EYA2: variants seen among roughly 807,000 people sequenced by gnomAD.
EYA2 encodes EYA transcriptional coactivator and phosphatase 2, also known as protein phosphatase EYA2.
A neutral mutation model predicts 69.2 loss-of-function variants in EYA2; 31 were observed. The ratio of observed to expected loss-of-function variants is 0.45; its 90% CI spans 0.34 to 0.60. EYA2 has a LOEUF of 0.60. EYA2 is among the 20% of genes least tolerant of loss of function. EYA2 has a pLI of 0.02. For synonymous variants in EYA2, 257 were observed against 279.4 expected (o/e 0.92, Z 0.80); for missense variants, 622 against 701.2 (o/e 0.89, Z 1.28).
rs549275136 is a variant in EYA2, at chr20:47,013,529, A to T, written c.299-2652A>T. Among the ~76,000 whole-genome samples the T allele has an allele frequency of 5.7e-4, 87 of 152,378 alleles. 2 individuals are homozygous for T. In the South Asian group the frequency reaches 0.011, roughly 19 times the overall value. On this transcript the variant is annotated intron_variant, in intron 4 of 15. Coordinates refer to ENST00000327619, the MANE Select transcript of EYA2 (RefSeq NM_005244.5). ...TTGCTTGAGGAAGTATGTACATTTC[A>T]TCTTGGATTGTGATAGTAAAAACTG... is the stretch of plus-strand genomic sequence containing the variant.
rs552845532 is a variant in EYA2 at position 46,974,686 on chromosome 20, G to A, written c.-10-15315G>A. On this transcript the variant is annotated intron_variant, in intron 1 of 15. Transcript: ENST00000327619. ...TTCCCTTACAGGAAGAGTCCTTGGT[G>A]TTTTGCTTTGTGCCTTGTTTTGGTG... 2.0e-5 allele frequency among the ~76,000 whole-genome samples: 3 copies of A among 152,220 alleles called. No homozygotes were observed. In the South Asian group the frequency reaches 6.2e-4, roughly 32 times the overall value.
At chr20:47,169,409 G>A (rs971994181) in intron 11 of EYA2, among the ~76,000 whole-genome samples, 3 of 152,118 alleles carry the variant, frequency 2.0e-5, no homozygotes, top group Non-Finnish European at 4.4e-5. Flanking sequence ...ACTTTGGGAG[G>A]TCTTAGCAGG....
At chr20:46,988,256 C>A (rs1406130893) in intron 1 of EYA2, among the ~76,000 whole-genome samples, 4 of 151,332 alleles carry the variant, frequency 2.6e-5, no homozygotes, top group African/African-American at 9.7e-5. Flanking sequence ...TACTGAGGGG[C>A]AGCTGTATTT....
intron 5 of EYA2, among the ~76,000 whole-genome samples, chr20:47,037,136 A>G (rs908762498): frequency 6.6e-6 from 1 of 151,316 alleles, no homozygotes; most frequent in African/African-American, 2.4e-5. Context: ...CCTTTATAAA[A>G]CCATCAGATC....
chr20:46,948,586 A>T (rs1850803989), intron 1 of EYA2, among the ~76,000 whole-genome samples: 1 of 152,206 alleles, frequency 6.6e-6, no homozygotes. Context: ...CTGAGTAAAC[A>T]TTGTTGAAAG....
At chr20:47,046,168 C>T (rs2030025640) in intron 5 of EYA2, among the ~76,000 whole-genome samples, 1 of 152,170 alleles carries the variant, frequency 6.6e-6, no homozygotes, top group Non-Finnish European at 1.5e-5. Flanking sequence ...CCTTACATGG[C>T]AGAAAGAAGA....
chr20:47,065,149 C>T (rs924288609), intron 5 of EYA2, among the ~76,000 whole-genome samples: 1 of 152,144 alleles, frequency 6.6e-6, no homozygotes, highest in African/African-American at 2.4e-5. Flanking sequence ...ATTCAATTAC[C>T]TCCCACCAGG....
chr20:46,968,569 A>G (rs1979932953), intron 1 of EYA2, among the ~76,000 whole-genome samples: 1 of 152,036 alleles, frequency 6.6e-6, no homozygotes, highest in African/African-American at 2.4e-5. Context: ...CACCCCCCAG[A>G]ACATCATTCC....
chr20:47,073,244 A>C (rs1333408668), intron 6 of EYA2, among the ~76,000 whole-genome samples: 1 of 152,180 alleles, frequency 6.6e-6, no homozygotes, highest in Non-Finnish European at 1.5e-5. Context: ...ATAGTGCGGC[A>C]GGATATTTGA....
At chr20:47,139,103 G>A (rs907857143) in intron 9 of EYA2, among the ~76,000 whole-genome samples, 1 of 152,094 alleles carries the variant, frequency 6.6e-6, no homozygotes, top group East Asian at 1.9e-4. Flanking sequence ...CATTTTTCAA[G>A]TCTGCTTTGA....
At chr20:47,006,434 A>G in intron 4 of EYA2, among the ~76,000 whole-genome samples, 1 of 152,220 alleles carries the variant, frequency 6.6e-6, no homozygotes. Flanking sequence ...CGTTGGTGGC[A>G]GGGACCTGCC....
intron 10 of EYA2, among the ~76,000 whole-genome samples, chr20:47,164,883 G>C (rs191343963): frequency 2.0e-4 from 30 of 152,184 alleles, no homozygotes; most frequent in Non-Finnish European, 3.7e-4. Flanking sequence ...AACATGCAAT[G>C]AGCTAAGTAG....
intron 10 of EYA2, among the ~76,000 whole-genome samples, chr20:47,152,679 C>T (rs951540253): frequency 2.0e-5 from 3 of 151,470 alleles, no homozygotes; most frequent in Admixed American, 6.6e-5. Flanking sequence ...GGTGTGGCAG[C>T]GGGTGCCTGT....
intron 2 of EYA2, among the ~76,000 whole-genome samples, chr20:46,990,421 G>C (rs1420275919): frequency 1.3e-5 from 2 of 152,168 alleles, no homozygotes; most frequent in Non-Finnish European, 2.9e-5. Flanking sequence ...CCCAGGCCCA[G>C]CCCTTGGATG....
intron 1 of EYA2, among the ~76,000 whole-genome samples, chr20:46,926,344 G>A (rs1985411560): frequency 6.6e-6 from 1 of 152,286 alleles, no homozygotes; most frequent in East Asian, 1.9e-4. Flanking sequence ...TTTGCAACCT[G>A]GAGACCCAGG....
In EYA2 at chr20:47,074,189, G is replaced by A; in HGVS notation, c.515G>A (p.Ser172Asn). Residue 172 changes from serine (S) to asparagine (N), a missense_variant, in exon 7 of 16, where the codon AGC (serine) becomes AAC (asparagine). Coordinates refer to ENST00000327619, the MANE Select transcript of EYA2 (RefSeq NM_005244.5). ...DYPSYPGFPQSQYPQYYGSSY... is the reference protein window; with the variant it reads ...DYPSYPGFPQNQYPQYYGSSY... ...CCTTCCTACCCCGGCTTCCCCCAGA[G>A]CCAGTACCCCCAGTATTACGGCTCA... 2 of 1,613,116 alleles carry A rather than the reference G, an allele frequency of 1.2e-6. No homozygotes were observed. The highest frequency in any genetic ancestry group is 1.7e-6 in the Non-Finnish European group (2 of 1,179,408).
At chr20:47,053,970 C>T (rs975458643) in intron 5 of EYA2, among the ~76,000 whole-genome samples, 1 of 151,874 alleles carries the variant, frequency 6.6e-6, no homozygotes, top group African/African-American at 2.4e-5. Flanking sequence ...TGACCTTGGG[C>T]CTCAGTTTCC....
At chr20:47,126,090 T>C (rs1369682339) in intron 9 of EYA2, among the ~76,000 whole-genome samples, 2 of 152,122 alleles carry the variant, frequency 1.3e-5, no homozygotes, top group Non-Finnish European at 2.9e-5. Flanking sequence ...GCAGCAACAG[T>C]CTGCAAGCCC....
At chr20:47,012,023 A>T (rs1983088590) in intron 4 of EYA2, among the ~76,000 whole-genome samples, 1 of 152,154 alleles carries the variant, frequency 6.6e-6, no homozygotes, top group Non-Finnish European at 1.5e-5. Flanking sequence ...TTCTGCTGTC[A>T]TTCTCCTCCC....
Sources: allele counts gnomAD v4.1 joint callset (sites outside exome capture counted in the v4.1 genomes callset), GRCh38; gene constraint gnomAD v4.1.1; transcripts MANE v1.5; gene names NCBI Gene and HGNC (gene_info 2026-07-23, HGNC 2026-07-21).